Variants in TTN observed in about 807,000 individuals in gnomAD.
TTN encodes connectin.
TTN carries 1,525 observed loss-of-function variants against 3,223.0 expected under a neutral mutation model. That is an observed-to-expected ratio of 0.47 (90% CI 0.45 to 0.49). The LOEUF (loss-of-function observed/expected upper bound fraction) is 0.49, where lower values mean the gene tolerates loss of function less well. Among genes scored for constraint, TTN ranks in the 20% least tolerant of loss-of-function variants. The pLI is 0.00. For synonymous variants in TTN, 14,094 were observed against 15,161.0 expected, an observed-to-expected ratio of 0.93 and a Z score of 5.17; for missense variants, 40,786 against 43,424.0, an observed-to-expected ratio of 0.94 and a Z score of 5.40.
intron 146 of TTN, 48 bp from the exon 147 acceptor site, chr2:178,677,335 C>CATATACGTATATATATATATAT: frequency 4.2e-6 from 1 of 239,492 alleles, no homozygotes; most frequent in Non-Finnish European, 5.8e-6. Context: ...TATACATGGT[C>CATATACGTATATATATATATAT]ATATATATAT....
chr2:178,640,598 C>T lies in TTN; in HGVS notation c.40666G>A (p.Glu13556Lys), dbSNP rs781066709. ...PEPPPPKPVE[E>K]VEVPTVTKRE... ...TTTGTAACAGTAGGTACTTCAACCT[C>T]TTCAACAGGTTTTGGAGGTGGTGGT... The change falls in exon 221 of 363, where the codon GAG becomes AAG. Residue 13556 changes from glutamate to lysine, a missense_variant. By Grantham distance (56) the Glu-to-Lys change is moderately conservative. Coordinates refer to ENST00000589042, the MANE Select transcript of TTN (RefSeq NM_001267550.2). The T allele has an allele frequency of 6.3e-7, 1 of 1,593,662 alleles. No individual in the cohort carries two copies. The highest frequency in any genetic ancestry group is 8.5e-7 in the Non-Finnish European group (1 of 1,172,400).
chr2:178,651,867 G>C lies in TTN; in HGVS notation c.39379+17C>G. On this transcript the variant is annotated intron_variant, in intron 205 of 362. Coordinates refer to ENST00000589042, the MANE Select transcript of TTN (RefSeq NM_001267550.2). ...AAAGAGTGGCCGAGGTGTCCTAGCA[G>C]CTTTCTTGCCATGTACCTTGTGGAG... is the stretch of plus-strand genomic sequence containing the variant. The C allele has an allele frequency of 6.2e-7, 1 of 1,602,710 alleles. No individual in the cohort carries two copies.
Position 178,614,365 on chromosome 2 carries a change from A to G in TTN, c.49049-17T>C, listed in dbSNP as rs757708054. 1 of 1,582,220 alleles carries G rather than the reference A, an allele frequency of 6.3e-7. No homozygotes were observed. The highest frequency in any genetic ancestry group is 8.5e-7 in the Non-Finnish European group (1 of 1,170,330). ...CGGGTTTATCTGTGTATGGCATTAC[A>G]GATGCAGAAAAAAAAATTGTTCACC... On this transcript the variant is annotated splice_polypyrimidine_tract_variant and intron_variant, in intron 261 of 362. Coordinates refer to ENST00000589042, the MANE Select transcript of TTN (RefSeq NM_001267550.2).
intron 69 of TTN, chr2:178,726,498 A>G (rs2079362023): frequency 6.5e-6 from 1 of 153,290 alleles, no homozygotes. Context: ...TACTGCAATA[A>G]TTGTCTTAAA....
At position 178,785,722 on chromosome 2, in the gene TTN, T is replaced by C. The variant is rs147124267; in HGVS notation, c.2391A>G (p.Leu797=). Residue 797 remains leucine, a synonymous_variant, in exon 15 of 363, where the codon CTA becomes CTG. Coordinates refer to ENST00000589042, the MANE Select transcript of TTN (RefSeq NM_001267550.2). ...CCACATGGACTAATCTTTCCGTTGTTAGATCTGTAGTTTTCTTGATCTGCA... is the reference window on the plus strand; with the variant it reads ...CCACATGGACTAATCTTTCCGTTGTCAGATCTGTAGTTTTCTTGATCTGCA... ...ISSQIKKTTD[L]TTERLVHVDK... 1.2e-6 allele frequency: 2 copies of C among 1,614,084 alleles called. No homozygotes were observed. Among genetic ancestry groups the C allele is most frequent in the Non-Finnish European group, 1.7e-6 (2 of 1,180,026 alleles).
rs569025335 is a variant in TTN at position 178,777,296 on chromosome 2, G to A, written c.4667C>T (p.Pro1556Leu). 9.9e-6 allele frequency: 16 copies of A among 1,613,804 alleles called. No homozygotes were observed. Among genetic ancestry groups the A allele is most frequent in the Admixed American group, 3.3e-5 (2 of 59,982 alleles). Reference sequence around the variant, plus strand: ...ATTTTTCAGTTTTTCTACAAACATCGGTTTTACCTGATGTTCCACAGCTGA... The same window carrying A: ...ATTTTTCAGTTTTTCTACAAACATCAGTTTTACCTGATGTTCCACAGCTGA... The part of the protein sequence containing the change: ...TVEAVEHQVK[P>L]MFVEKLKNVN... Residue 1556 changes from proline to leucine, a missense_variant, in exon 27 of 363, where the codon CCG becomes CTG. Physicochemically the swap from Pro to Leu is moderately conservative, Grantham distance 98. Transcript: ENST00000589042.
Position 178,574,827 on chromosome 2 carries a change from T to C in TTN, c.71305A>G (p.Thr23769Ala), listed in dbSNP as rs776889753. The change falls in exon 326 of 363, where the codon ACT becomes GCT. Residue 23769 changes from threonine (T) to alanine (A), a missense_variant. By Grantham distance (58) the Thr-to-Ala change is moderately conservative. Coordinates refer to ENST00000589042, the MANE Select transcript of TTN (RefSeq NM_001267550.2). ...AACTCAACCCAGGTAGTACTGTCAG[T>C]CTGCCGCATTTCCACTACATAGTTG... Reference protein sequence around the residue: ...ISNYVVEMRQTDSTTWVELAT... With the variant: ...ISNYVVEMRQADSTTWVELAT... 1.3e-5 allele frequency: 21 copies of C among 1,612,964 alleles called. No individual in the cohort carries two copies. Among genetic ancestry groups the C allele is most frequent in the Non-Finnish European group, 1.6e-5 (19 of 1,179,390 alleles).
At position 178,557,672 on chromosome 2, in the gene TTN, A is replaced by G. The variant is rs1488529314; in HGVS notation, c.87682T>C (p.Cys29228Arg). 1 of 1,613,856 alleles carries G rather than the reference A, an allele frequency of 6.2e-7. No individual in the cohort carries two copies. Among genetic ancestry groups the G allele is most frequent in the East Asian group, 2.2e-5 (1 of 44,876 alleles). Residue 29228 changes from cysteine (C) to arginine (R), a missense_variant, in exon 328 of 363, where the codon TGT (cysteine) becomes CGT (arginine). Physicochemically the swap from Cys to Arg is radical, Grantham distance 180. Transcript: ENST00000589042. ...FGISDHIDSA[C>R]VTVKLPYTTP... ...CTGTATGGTAGTTTGACAGTCACACAAGCTGAATCTATATGATCACTGATG... is the reference window on the plus strand; with the variant it reads ...CTGTATGGTAGTTTGACAGTCACACGAGCTGAATCTATATGATCACTGATG...
At chr2:178,649,523 T>C (rs1286885813) in intron 212 of TTN, 31 bp downstream of exon 212, 2 of 1,540,504 alleles carry the variant, frequency 1.3e-6, no homozygotes, top group South Asian at 2.4e-5. Flanking sequence ...GAATACTTTC[T>C]TTTTTATGAT....
Position 178,631,298 on chromosome 2 carries a change from C to T in TTN, c.43750G>A (p.Gly14584Arg). 3.1e-6 allele frequency: 5 copies of T among 1,604,040 alleles called. No individual in the cohort carries two copies. Among genetic ancestry groups the T allele is most frequent in the Non-Finnish European group, 4.2e-6 (5 of 1,176,880 alleles). Residue 14584 changes from glycine to arginine, a missense_variant and splice_region_variant, in exon 237 of 363, where the codon GGA becomes AGA. Gly to Arg is a moderately radical substitution (Grantham distance 125). Coordinates refer to ENST00000589042, the MANE Select transcript of TTN (RefSeq NM_001267550.2). ...SSEAKLTVLE[G>R]DPYFTGKLQD... is the part of the protein sequence containing the mutation. ...AGTTTTCCTGTAAAATATGGGTCTC[C>T]CTCTGCAAGTAAAGTATAAGTGAAA...
In TTN at chr2:178,589,832, G is replaced by T. The variant is rs940775890; in HGVS notation, c.61893C>A (p.Asn20631Lys). The change falls in exon 304 of 363, where the codon AAC becomes AAA. Residue 20631 changes from asparagine (N) to lysine (K), a missense_variant. By Grantham distance (94) the Asn-to-Lys change is moderately conservative. Transcript: ENST00000589042. ...SDVTKRLIKA[N>K]LLANNEYYFR... ...AATAGTATTCATTGTTGGCTAAAAG[G>T]TTGGCCTTGATTAATCGTTTAGTGA... The T allele has an allele frequency of 3.1e-6, 5 of 1,613,486 alleles. No homozygotes were observed. Among genetic ancestry groups the T allele is most frequent in the East Asian group, 2.2e-5 (1 of 44,776 alleles).
In TTN at chr2:178,777,697, C is replaced by G; in HGVS notation, c.4480+7G>C. 1 of 1,613,978 alleles carries G rather than the reference C, an allele frequency of 6.2e-7. No individual in the cohort carries two copies. The highest frequency in any genetic ancestry group is 8.5e-7 in the Non-Finnish European group (1 of 1,179,902). On this transcript the variant is annotated splice_region_variant and intron_variant, in intron 25 of 362. Coordinates refer to ENST00000589042, the MANE Select transcript of TTN (RefSeq NM_001267550.2). ...ATGATTCATGAGCAAAAACTTATCA[C>G]GCTTACCATCATGAAACCAGAACGT...
At chr2:178,615,037 T>A in intron 259 of TTN, 69 bp from the exon 260 acceptor site, 1 of 1,384,868 alleles carries the variant, frequency 7.2e-7, no homozygotes, top group East Asian at 2.4e-5. Flanking sequence ...GTACTCATAA[T>A]CTTTCAAAAA....
At chr2:178,764,858 CAA>C in intron 41 of TTN, 47 bp from the exon 42 acceptor site, 1 of 1,606,716 alleles carries the variant, frequency 6.2e-7, no homozygotes, top group Non-Finnish European at 8.5e-7. Context: ...TGTAAAAACA[CAA>C]GAGAGCATGC....
At position 178,654,271 on chromosome 2, in the gene TTN, C is replaced by A. The variant is rs768888713; in HGVS notation, c.38317G>T (p.Val12773Phe). ...ACAGATACTTTCTTTTCAAGTACAA[C>A]TTCTTTAGGAGCTTCAGGAACTTTG... The part of the protein sequence containing the change: ...PPKVPEAPKE[V>F]VLEKKVSVAV... The change falls in exon 193 of 363, where the codon GTT (valine) becomes TTT (phenylalanine). Residue 12773 changes from valine (V) to phenylalanine (F), a missense_variant. Transcript: ENST00000589042. The A allele has an allele frequency of 1.3e-6, 2 of 1,599,350 alleles. No individual in the cohort carries two copies. Among genetic ancestry groups the A allele is most frequent in the African/African-American group, 2.7e-5 (2 of 74,206 alleles).
intron 319 of TTN, 44 bp downstream of exon 319, chr2:178,579,517 G>T: frequency 6.2e-7 from 1 of 1,602,332 alleles, no homozygotes; most frequent in South Asian, 1.1e-5. Flanking sequence ...GTGCACTTTC[G>T]ATGACAATAA....
Position 178,570,331 on chromosome 2 carries a change from A to G in TTN, c.75801T>C (p.Thr25267=). The G allele has an allele frequency of 7.4e-6, 12 of 1,613,336 alleles. No individual in the cohort carries two copies. The highest frequency in any genetic ancestry group is 1.0e-5 in the Non-Finnish European group (12 of 1,179,602). The change falls in exon 326 of 363, where the codon ACT becomes ACC. Residue 25267 remains threonine (T), a synonymous_variant. Coordinates refer to ENST00000589042, the MANE Select transcript of TTN (RefSeq NM_001267550.2). ...ANVQTLSCKV[T]KLLEGNEYTF... is the part of the protein sequence containing the mutation. ...TATATTCATTGCCTTCAAGAAGCTT[A>G]GTAACCTTGCAGCTGAGAGTCTGCA...
intron 295 of TTN, 42 bp downstream of exon 295, chr2:178,595,465 G>A: frequency 6.6e-7 from 1 of 1,523,356 alleles, no homozygotes; most frequent in Non-Finnish European, 8.9e-7. Context: ...TACTAAATGA[G>A]TAAAGAAGTG....
chr2:178,604,025 A>G lies in TTN; in HGVS notation c.54662T>C (p.Ile18221Thr), dbSNP rs1418665991. 6.2e-7 allele frequency: 1 copy of G among 1,612,934 alleles called. No individual in the cohort carries two copies. Among genetic ancestry groups the G allele is most frequent in the South Asian group, 1.1e-5 (1 of 91,024 alleles). The part of the protein sequence containing the change: ...PYWSRVSRAP[I>T]TKVGLKGVEF... ...CACGCCTTTCAATCCCACTTTGGTT[A>G]TTGGTGCTCGGCTAACACGTGACCA... The change falls in exon 282 of 363, where the codon ATA becomes ACA. Residue 18221 changes from isoleucine (I) to threonine (T), a missense_variant. Coordinates refer to ENST00000589042, the MANE Select transcript of TTN (RefSeq NM_001267550.2).
Sources: allele counts gnomAD v4.1 joint callset, GRCh38; gene constraint gnomAD v4.1.1; transcripts MANE v1.5; gene names NCBI Gene and HGNC (gene_info 2026-07-23, HGNC 2026-07-21).